MDGA1: variants seen among roughly 807,000 people sequenced by gnomAD.
MDGA1 encodes the protein MAM domain containing glycosylphosphatidylinositol anchor 1, also known as MAM domain-containing glycosylphosphatidylinositol anchor protein 1.
A neutral mutation model predicts 101.5 loss-of-function variants in MDGA1; 54 were observed. The ratio of observed to expected loss-of-function variants is 0.53; its 90% CI spans 0.43 to 0.67. The LOEUF is 0.67. Ranked by LOEUF, MDGA1 falls within the 30% of genes least tolerant of loss-of-function variation. MDGA1 has a pLI of 0.00. For missense variants in MDGA1, 1,083 were observed against 1,323.8 expected (o/e 0.82, Z 2.82); for synonymous variants, 533 against 558.3 (o/e 0.95, Z 0.64).
At position 37,638,091 on chromosome 6, in the gene MDGA1, TCAGA is replaced by T. The variant is rs1442461712; in HGVS notation, c.2776+110_2776+113del. ...GTCAGAGCCACATGATTCCCATCAC[TCAGA>T]CATTCTGAACCCCTATTCAGACCCA... On this transcript the variant is annotated intron_variant, in intron 16 of 16. Coordinates refer to ENST00000434837, the MANE Select transcript of MDGA1 (RefSeq NM_153487.4). The surrounding 1 kb of genome is among the most constrained non-coding windows in gnomAD (Gnocchi z 4.8). 1.3e-6 allele frequency: 1 copy of T among 796,420 alleles called. No individual in the cohort carries two copies. Among genetic ancestry groups the T allele is most frequent in the East Asian group, 2.7e-5 (1 of 37,480 alleles). The allele number at this position is 796,420 out of a possible 1,614,324, so 49.3% of individuals were successfully genotyped here.
At chr6:37,664,850 C>G (rs1385667618) in intron 1 of MDGA1, among the ~76,000 whole-genome samples, 68 of 87,986 alleles carry the variant, frequency 7.7e-4, no homozygotes, top group Middle Eastern at 6.0e-3. Context: ...AAGACACACA[C>G]ACACACACAC....
rs376618178 is a variant in MDGA1 at position 37,664,103 on chromosome 6, G to A, written c.71C>T (p.Pro24Leu). ...CGCATGCACGATCTGCGCCTGGGCT[G>A]GAGCTGGCAGGAGAGGATGGAGGAG... ...FHCRGQGVYA[P>L]AQAQIVHAGQ... is the part of the protein sequence containing the mutation. Residue 24 changes from proline (P) to leucine (L), a missense_variant, in exon 2 of 17, where the codon CCA (proline) becomes CTA (leucine). By Grantham distance (98) the Pro-to-Leu change is moderately conservative (BLOSUM62 -3). This residue lies in a region of MDGA1 where 310 missense variants were observed against 355.9 expected (regional missense o/e 0.87). Coordinates refer to ENST00000434837, the MANE Select transcript of MDGA1 (RefSeq NM_153487.4). 2 of 1,613,888 alleles carry A rather than the reference G, an allele frequency of 1.2e-6. No homozygotes were observed. Among genetic ancestry groups the A allele is most frequent in the Non-Finnish European group, 1.7e-6 (2 of 1,179,866 alleles).
intron 1 of MDGA1, among the ~76,000 whole-genome samples, chr6:37,676,875 C>G (rs1262684780): frequency 8.6e-6 from 1 of 115,656 alleles, no homozygotes. Context: ...CCAGCCTGGG[C>G]AAAAAGAGCA....
chr6:37,646,499 G>A (rs1482573928), intron 10 of MDGA1, 124 bp from the exon 11 acceptor site: 2 of 717,122 alleles, frequency 2.8e-6, no homozygotes, highest in East Asian at 2.9e-5. Flanking sequence ...TAAAAATGAT[G>A]ACAGCAACAC....
chr6:37,661,302 C>T (rs550398321), intron 2 of MDGA1, among the ~76,000 whole-genome samples: 2 of 152,340 alleles, frequency 1.3e-5, no homozygotes, highest in Non-Finnish European at 2.9e-5. Context: ...CCTGCCATCA[C>T]TGTAGATTCT....
chr6:37,643,971 A>G (rs1270231741), intron 13 of MDGA1, 28 bp from the exon 14 acceptor site: 10 of 1,611,512 alleles, frequency 6.2e-6, no homozygotes, highest in Admixed American at 1.7e-5. Flanking sequence ...ATGCGCCAAC[A>G]GCCCCCAAGA....
At chr6:37,642,657 A>T (rs888944472) in intron 14 of MDGA1, among the ~76,000 whole-genome samples, 69 of 152,284 alleles carry the variant, frequency 4.5e-4, no homozygotes, top group African/African-American at 1.4e-3. Context: ...AAACAATTTT[A>T]AAAAAATCAT....
intron 3 of MDGA1, among the ~76,000 whole-genome samples, chr6:37,657,011 T>G (rs1338200295): frequency 6.6e-6 from 1 of 152,150 alleles, no homozygotes; most frequent in African/African-American, 2.4e-5. Flanking sequence ...GGGGAATTAT[T>G]GACTGGGAGG....
Position 37,649,046 on chromosome 6 carries a change from G to A in MDGA1, c.1830C>T (p.Ser610=), listed in dbSNP as rs1432997342. ...LRLDAVTRDS[S]GSYECSVSND... is the part of the protein sequence containing the mutation. ...TGGAGACGCTGCACTCGTAGCTGCC[G>A]CTGCTGTCGCGAGTTACGGCGTCGA... The change falls in exon 9 of 17, where the codon AGC becomes AGT. Residue 610 remains serine (S), a synonymous_variant. Transcript: ENST00000434837. 1.3e-6 allele frequency: 2 copies of A among 1,545,086 alleles called. No homozygotes were observed. Among genetic ancestry groups the A allele is most frequent in the African/African-American group, 1.4e-5 (1 of 71,924 alleles).
At chr6:37,644,356 C>T in intron 13 of MDGA1, 141 bp downstream of exon 13, 1 of 979,008 alleles carries the variant, frequency 1.0e-6, no homozygotes. Flanking sequence ...TGTGTCTCCC[C>T]TCAGACCAGA....
rs1471940768 is a variant in MDGA1 at position 37,649,169 on chromosome 6, G to T, written c.1707C>A (p.Arg569=). ...RCSLLRGSPQ[R]IASAVWRFKG... is the part of the protein sequence containing the mutation. ...TGAAACGCCACACAGCCGAGGCGAT[G>T]CGCTGGGGGCTGCCTCGCAGCAGCG... Residue 569 remains arginine, a synonymous_variant, in exon 9 of 17, where the codon CGC becomes CGA. Coordinates refer to ENST00000434837, the MANE Select transcript of MDGA1 (RefSeq NM_153487.4). 1 of 1,497,946 alleles carries T rather than the reference G, an allele frequency of 6.7e-7. No homozygotes were observed. The allele number at this position is 1,497,946 out of a possible 1,614,324, so 92.8% of individuals were successfully genotyped here.
rs965822010 is a variant in MDGA1 at position 37,631,549 on chromosome 6, G to A, written c.*5819C>T. 1 of 152,166 alleles carries A rather than the reference G, an allele frequency of 6.6e-6. No homozygotes were observed. Among genetic ancestry groups the A allele is most frequent in the Non-Finnish European group, 1.5e-5 (1 of 68,026 alleles). 9.4% of individuals were successfully genotyped at this position (152,166 alleles called of 1,614,324 possible). A position where few individuals can be genotyped will look rare whatever the true frequency, so the allele number is the denominator to read the frequency against. ...GACCTACCTGAATCATTGTAACCAA[G>A]TAACCTGAAAGACACTTCCTGTCAT... is the stretch of plus-strand genomic sequence containing the variant. On this transcript the variant is annotated 3_prime_UTR_variant, in exon 17 of 17. Transcript: ENST00000434837.
intron 1 of MDGA1, among the ~76,000 whole-genome samples, chr6:37,670,774 G>T (rs564345748): frequency 9.5e-4 from 144 of 152,290 alleles, no homozygotes; most frequent in African/African-American, 3.3e-3. Flanking sequence ...CAAGCTCCTT[G>T]CCTCAGTTCT....
In MDGA1 at chr6:37,637,930, T is replaced by C. The variant is rs1181233976; in HGVS notation, c.2776+275A>G. The C allele has an allele frequency of 1.4e-5, 8 of 561,286 alleles. No individual in the cohort carries two copies. In the Admixed American group the frequency reaches 2.4e-4, roughly 17 times the overall value. 34.8% of individuals were successfully genotyped at this position (561,286 alleles called of 1,614,324 possible). A position where few individuals can be genotyped will look rare whatever the true frequency, so the allele number is the denominator to read the frequency against. ...CTCTGGAGCCAGAGGTACGCACAGA[T>C]GTATTCAGACACAGGCACAGGAGGC... On this transcript the variant is annotated intron_variant, in intron 16 of 16. Transcript: ENST00000434837.
rs922818622 is a variant in MDGA1, at chr6:37,637,257, C to T, written c.*111G>A. ...CAGCCAATGCAGGCCCCCTCCCTGG[C>T]GGGCCGGCCCTGCCCCTGGGCACCC... On this transcript the variant is annotated 3_prime_UTR_variant, in exon 17 of 17. Coordinates refer to ENST00000434837, the MANE Select transcript of MDGA1 (RefSeq NM_153487.4). The T allele has an allele frequency of 2.5e-5, 20 of 788,182 alleles. No homozygotes were observed. Among genetic ancestry groups the T allele is most frequent in the African/African-American group, 1.5e-4 (9 of 58,246 alleles). 48.8% of individuals were successfully genotyped at this position (788,182 alleles called of 1,614,324 possible). A position where few individuals can be genotyped will look rare whatever the true frequency, so the allele number is the denominator to read the frequency against.
intron 1 of MDGA1, 183 bp from the exon 2 acceptor site, chr6:37,664,289 C>T (rs533261637): frequency 7.2e-5 from 48 of 670,286 alleles, no homozygotes; most frequent in Non-Finnish European, 8.9e-5. Flanking sequence ...CAGAACCAGG[C>T]GGGCCAGGAA....
intron 1 of MDGA1, among the ~76,000 whole-genome samples, chr6:37,693,948 C>T (rs1219245266): frequency 6.6e-6 from 1 of 152,260 alleles, no homozygotes; most frequent in East Asian, 1.9e-4. Flanking sequence ...AGGTGGTGGA[C>T]CTCAGTGGGA....
At position 37,658,318 on chromosome 6, in the gene MDGA1, G is replaced by A. The variant is rs962730382; in HGVS notation, c.309C>T (p.Gly103=). 6.2e-7 allele frequency: 1 copy of A among 1,612,584 alleles called. No homozygotes were observed. The highest frequency in any genetic ancestry group is 1.3e-5 in the African/African-American group (1 of 75,058). ...LRIERIARTQ[G]GRYYCKAENG... Reference sequence around the variant, plus strand: ...TCTCAGCCTTGCAGTAGTAGCGGCCGCCCTGCGTGCGTGCAATACGCTCGA... The same window carrying A: ...TCTCAGCCTTGCAGTAGTAGCGGCCACCCTGCGTGCGTGCAATACGCTCGA... Residue 103 remains glycine (G), a synonymous_variant, in exon 3 of 17, where the codon GGC becomes GGT. Coordinates refer to ENST00000434837, the MANE Select transcript of MDGA1 (RefSeq NM_153487.4).
In MDGA1 at chr6:37,634,909, C is replaced by A. The variant is rs1042635809; in HGVS notation, c.*2459G>T. 6.6e-6 allele frequency: 1 copy of A among 152,310 alleles called. No individual in the cohort carries two copies. The highest frequency in any genetic ancestry group is 6.5e-5 in the Admixed American group (1 of 15,284). The allele number at this position is 152,310 out of a possible 1,614,324, so 9.4% of individuals were successfully genotyped here. On this transcript the variant is annotated 3_prime_UTR_variant, in exon 17 of 17. Coordinates refer to ENST00000434837, the MANE Select transcript of MDGA1 (RefSeq NM_153487.4). This position sits in a 1 kb window ranked among gnomAD's most constrained non-coding sequence, Gnocchi z 4.7. ...AACAAGGGAGACAAGTCTCCCCTGT[C>A]GGAGCAGCCAGGGTTGCGGGGCAAA...
Sources: gnomAD v4.1 joint callset for allele counts (sites outside exome capture counted in the v4.1 genomes callset) on GRCh38, gnomAD v4.1.1 for gene constraint, gnomAD v4.1.1 regional missense constraint, Gnocchi (gnomAD v3.1) non-coding constraint, MANE v1.5 for transcripts, NCBI Gene and HGNC (gene_info 2026-07-23, HGNC 2026-07-21) for gene names.